The following TEX9 variants were observed in gnomAD, a reference collection of about 807,000 sequenced individuals.
The protein encoded by TEX9 is testis-expressed protein 9.
TEX9 carries 74 observed loss-of-function variants against 59.6 expected under a neutral mutation model. That is an observed-to-expected ratio of 1.24 (90% CI 1.03 to 1.51). The LOEUF (loss-of-function observed/expected upper bound fraction) is 1.51. Among genes scored for constraint, TEX9 ranks in the 40% most tolerant of loss-of-function variants. TEX9 has a pLI of 0.00. For synonymous variants in TEX9, 186 were observed against 152.2 expected (o/e 1.22, Z -1.64); for missense variants, 522 against 447.8 (o/e 1.17, Z -1.49).
exon 13 of TEX9, chr15:56,445,728 C>G (rs2050895273): frequency 1.3e-5 from 2 of 152,034 alleles, no homozygotes; most frequent in Non-Finnish European, 2.9e-5. Flanking sequence ...GACACCTAGT[C>G]AAGTCCTAGT....
chr15:56,388,399 T>C (rs1409526341), intron 4 of TEX9, 73 bp from the exon 5 acceptor site: 7 of 1,175,028 alleles, frequency 6.0e-6, no homozygotes, highest in Non-Finnish European at 7.4e-6. Context: ...CTTTCAAATA[T>C]AATTGTTGAA....
exon 8 of TEX9, chr15:56,394,229 A>G (rs755006621): frequency 6.2e-7 from 1 of 1,606,258 alleles, no homozygotes; most frequent in Admixed American, 1.7e-5. Context: ...ATAATGTTGT[A>G]TGTGAATGCA....
chr15:56,439,168 A>G (rs1204529594), intron 12 of TEX9, among the ~76,000 whole-genome samples: 1 of 152,176 alleles, frequency 6.6e-6, no homozygotes, highest in Non-Finnish European at 1.5e-5. Flanking sequence ...AAAAGCTAAC[A>G]TTCCATTTAC....
At chr15:56,335,231 C>A (rs2046236314) in intron 1 of TEX9, among the ~76,000 whole-genome samples, 1 of 152,084 alleles carries the variant, frequency 6.6e-6, no homozygotes, top group Non-Finnish European at 1.5e-5. Context: ...TTACAATAGC[C>A]AGTATATACA....
intron 1 of TEX9, among the ~76,000 whole-genome samples, chr15:56,272,944 T>TGTTG (rs141535238): frequency 7.0e-6 from 1 of 142,260 alleles, no homozygotes; most frequent in Non-Finnish European, 1.5e-5. Flanking sequence ...ATTTATTTTT[T>TGTTG]TTGTTGTTGT....
intron 11 of TEX9, among the ~76,000 whole-genome samples, chr15:56,428,104 A>G (rs2050404796): frequency 6.6e-6 from 1 of 152,078 alleles, no homozygotes; most frequent in African/African-American, 2.4e-5. Context: ...CTAAAAATTC[A>G]TAGTTCTGAC....
At chr15:56,359,664 A>T (rs1402438840) in intron 1 of TEX9, among the ~76,000 whole-genome samples, 2 of 151,920 alleles carry the variant, frequency 1.3e-5, no homozygotes, top group African/African-American at 4.8e-5. Flanking sequence ...TTTTAAAAAA[A>T]TTTTCTTTAT....
At chr15:56,392,370 A>AT (rs1322068607) in intron 7 of TEX9, among the ~76,000 whole-genome samples, 1 of 152,100 alleles carries the variant, frequency 6.6e-6, no homozygotes, top group Admixed American at 6.6e-5. Flanking sequence ...ACACGGTGGG[A>AT]TCACGAACAA....
intron 3 of TEX9, among the ~76,000 whole-genome samples, chr15:56,378,457 T>C (rs1211736587): frequency 6.6e-6 from 1 of 152,180 alleles, no homozygotes; most frequent in African/African-American, 2.4e-5. Context: ...GGGTTGTATG[T>C]ATGTGTCTAG....
chr15:56,423,712 G>T lies in TEX9; in HGVS notation c.964-3893G>T, dbSNP rs79801314. On this transcript the variant is annotated intron_variant, in intron 10 of 12. Transcript: ENST00000352903. ...ACCCTGCACCACATTCTAGCCCTAG[G>T]CAACCACTAATCTACTTCCTGTCTC... 4.4e-3 allele frequency among the ~76,000 whole-genome samples: 670 copies of T among 152,120 alleles called. 13 individuals carry two copies. Among genetic ancestry groups the T allele is most frequent in the African/African-American group, 0.016 (654 of 41,494 alleles).
intron 1 of TEX9, among the ~76,000 whole-genome samples, chr15:56,250,529 G>T (rs1203415700): frequency 1.3e-5 from 2 of 152,188 alleles, no homozygotes; most frequent in African/African-American, 4.8e-5. Context: ...ACCAAATTCC[G>T]AGTGTATTCA....
At chr15:56,367,976 C>T (rs1447098329) in intron 2 of TEX9, among the ~76,000 whole-genome samples, 1 of 152,040 alleles carries the variant, frequency 6.6e-6, no homozygotes, top group East Asian at 1.9e-4. Context: ...ATCATTTTGT[C>T]CCTTGATAAT....
At chr15:56,352,797 A>G (rs1435809159) in intron 1 of TEX9, among the ~76,000 whole-genome samples, 1 of 152,130 alleles carries the variant, frequency 6.6e-6, no homozygotes, top group African/African-American at 2.4e-5. Flanking sequence ...TTATGCAGCA[A>G]ATTTTAGTGA....
chr15:56,339,400 A>AAAAAAAAAC (rs2046326924), intron 1 of TEX9, among the ~76,000 whole-genome samples: 1 of 135,246 alleles, frequency 7.4e-6, no homozygotes, highest in African/African-American at 2.6e-5. Flanking sequence ...AAAAAAAAAA[A>AAAAAAAAAC]AAAAAAAAAA....
chr15:56,250,668 G>A (rs533534981), intron 1 of TEX9, among the ~76,000 whole-genome samples: 2 of 152,202 alleles, frequency 1.3e-5, no homozygotes, highest in South Asian at 4.1e-4. Context: ...TTATGTGATT[G>A]TGAGGCTGGC....
intron 2 of TEX9, among the ~76,000 whole-genome samples, chr15:56,371,700 T>G (rs183674042): frequency 1.3e-5 from 2 of 152,336 alleles, no homozygotes; most frequent in Admixed American, 1.3e-4. Flanking sequence ...AATTTACCTT[T>G]ACTAGTTTCG....
intron 1 of TEX9, among the ~76,000 whole-genome samples, chr15:56,245,390 C>G (rs2043826104): frequency 6.6e-6 from 1 of 152,202 alleles, no homozygotes; most frequent in African/African-American, 2.4e-5. Flanking sequence ...ACGCTGTGCT[C>G]CAACTACCCA....
At chr15:56,439,048 T>G (rs938308422) in intron 12 of TEX9, among the ~76,000 whole-genome samples, 24 of 152,086 alleles carry the variant, frequency 1.6e-4, no homozygotes, top group Non-Finnish European at 4.4e-5. Flanking sequence ...TGCCTGACTA[T>G]GTAGGGAAAA....
chr15:56,351,737 A>G (rs1466194701), intron 1 of TEX9, among the ~76,000 whole-genome samples: 6 of 152,260 alleles, frequency 3.9e-5, no homozygotes, highest in Admixed American at 1.3e-4. Context: ...GTTTCAAAAA[A>G]TCATTTTCAA....
Sources: gnomAD v4.1 joint callset for allele counts (sites outside exome capture counted in the v4.1 genomes callset) on GRCh38, gnomAD v4.1.1 for gene constraint, MANE v1.5 for transcripts, NCBI Gene and HGNC (gene_info 2026-07-23, HGNC 2026-07-21) for gene names.